Variants in CC2D1B observed in about 807,000 individuals in gnomAD.
The protein encoded by CC2D1B is coiled-coil and C2 domain containing 1B.
In CC2D1B, 92 loss-of-function variants were observed where a neutral mutation model predicts 110.8. The ratio of observed to expected loss-of-function variants is 0.83; its 90% CI spans 0.70 to 0.99. The LOEUF (loss-of-function observed/expected upper bound fraction) is 0.99, where lower values mean the gene tolerates loss of function less well. Among genes scored for constraint, CC2D1B ranks in the 50% least tolerant of loss-of-function variants. The probability of loss-of-function intolerance (pLI) is 0.00; values close to 1 mark genes in which losing one functional copy is unlikely to be tolerated. For synonymous variants in CC2D1B, 406 were observed against 429.2 expected (o/e 0.95, Z 0.67); for missense variants, 1,136 against 1,089.0 (o/e 1.04, Z -0.61).
chr1:52,360,460 T>C lies in CC2D1B; in HGVS notation c.567A>G (p.Glu189=). The C allele has an allele frequency of 6.2e-7, 1 of 1,613,932 alleles. No homozygotes were observed. Among genetic ancestry groups the C allele is most frequent in the Non-Finnish European group, 8.5e-7 (1 of 1,180,006 alleles). ...EAAASAKEAG[E]AAKARRCERG... ...GCTCGCAGCGCCTGGCTTTGGCTGC[T>C]TCGCCTGCCTCCTTGGCACTGGCCG... The change falls in exon 6 of 25, where the codon GAA becomes GAG. Residue 189 remains glutamate, a synonymous_variant. Coordinates refer to ENST00000284376, the MANE Select transcript of CC2D1B (RefSeq NM_001330585.2).
At chr1:52,354,534 C>G in intron 23 of CC2D1B, 74 bp downstream of exon 23, 1 of 1,208,674 alleles carries the variant, frequency 8.3e-7, no homozygotes, top group South Asian at 1.2e-5. Flanking sequence ...AAACCTACAA[C>G]AAGGTGTGGC....
chr1:52,364,837 A>G (rs1646851715), intron 1 of CC2D1B, among the ~76,000 whole-genome samples: 1 of 152,234 alleles, frequency 6.6e-6, no homozygotes. Context: ...TTACTGAGGA[A>G]TGTTCTGAAC....
At position 52,362,453 on chromosome 1, in the gene CC2D1B, G is replaced by A. The variant is rs531863534; in HGVS notation, c.214+149C>T. The A allele has an allele frequency of 1.5e-4, 138 of 941,514 alleles. No individual in the cohort carries two copies. In the African/African-American group the frequency reaches 1.7e-3, roughly 11 times the overall value. The allele number at this position is 941,514 out of a possible 1,614,324, so 58.3% of individuals were successfully genotyped here. A position where few individuals can be genotyped will look rare whatever the true frequency, so the allele number is the denominator to read the frequency against. On this transcript the variant is annotated intron_variant, in intron 3 of 24. Transcript: ENST00000284376. ...ATGACACAAGGTGGGGAAGCAGGGC[G>A]AGGCCGCCTCTTGGTGGGAGTGCGG...
At position 52,359,842 on chromosome 1, in the gene CC2D1B, C is replaced by T. The variant is rs765561952; in HGVS notation, c.805G>A (p.Ala269Thr). The change falls in exon 8 of 25, where the codon GCC (alanine) becomes ACC (threonine). Residue 269 changes from alanine (A) to threonine (T), a missense_variant. Transcript: ENST00000284376. Reference sequence around the variant, plus strand: ...GGGTCTAAGTCTGAAACGGGCTGGGCAGAAATGCCAGGGAGGCTGGTCTCA... The same window carrying T: ...GGGTCTAAGTCTGAAACGGGCTGGGTAGAAATGCCAGGGAGGCTGGTCTCA... ...QPETSLPGIS[A>T]QPVSDLDPDP... 2.5e-6 allele frequency: 4 copies of T among 1,612,060 alleles called. No homozygotes were observed. The East Asian group carries it at 8.9e-5, about 36-fold the overall frequency.
chr1:52,356,940 G>A (rs1646665206), intron 16 of CC2D1B, 61 bp downstream of exon 16: 1 of 1,510,452 alleles, frequency 6.6e-7, no homozygotes, highest in African/African-American at 1.4e-5. Context: ...TGAGCTCCAG[G>A]TCTTCCTCCA....
intron 4 of CC2D1B, 171 bp downstream of exon 4, chr1:52,361,342 G>C (rs1465949469): frequency 2.4e-6 from 3 of 1,275,366 alleles, no homozygotes; most frequent in Admixed American, 2.1e-5. Flanking sequence ...CAACTGCAGA[G>C]CTTAGACCAG....
intron 11 of CC2D1B, 58 bp from the exon 12 acceptor site, chr1:52,358,816 C>T (rs1040501375): frequency 4.1e-5 from 63 of 1,530,060 alleles, no homozygotes; most frequent in Non-Finnish European, 4.9e-5. Context: ...GCCCCCTGCC[C>T]AACATGACAC....
chr1:52,353,974 C>A, intron 23 of CC2D1B: 1 of 290,572 alleles, frequency 3.4e-6, no homozygotes, highest in East Asian at 8.1e-5. Context: ...CCTCACTTCA[C>A]AGATGGCCAA....
intron 18 of CC2D1B, 38 bp downstream of exon 18, chr1:52,356,148 T>TCC (rs1262094217): frequency 6.5e-7 from 1 of 1,531,354 alleles, no homozygotes; most frequent in African/African-American, 1.4e-5. Context: ...CTCCTGCCCC[T>TCC]CCCTGCCTGG....
rs1197188682 is a variant in CC2D1B at position 52,355,589 on chromosome 1, A to C, written c.2187+19T>G. ...TGCAAGGCGGGTTTCAGAGGATCCT[A>C]CTTCTACCTGAACCTCACCGAGTTA... On this transcript the variant is annotated intron_variant, in intron 20 of 24. Coordinates refer to ENST00000284376, the MANE Select transcript of CC2D1B (RefSeq NM_001330585.2). The C allele has an allele frequency of 6.2e-7, 1 of 1,613,962 alleles. No individual in the cohort carries two copies. Among genetic ancestry groups the C allele is most frequent in the African/African-American group, 1.3e-5 (1 of 75,048 alleles).
chr1:52,361,295 C>G (rs1646777861), intron 4 of CC2D1B, among the ~76,000 whole-genome samples, 163 bp from the exon 5 acceptor site: 1 of 152,172 alleles, frequency 6.6e-6, no homozygotes, highest in Non-Finnish European at 1.5e-5. Context: ...CCGAGGATAG[C>G]CTTGAAAATA....
chr1:52,358,245 G>T, intron 13 of CC2D1B, 86 bp downstream of exon 13: 1 of 1,519,330 alleles, frequency 6.6e-7, no homozygotes, highest in Non-Finnish European at 8.9e-7. Flanking sequence ...ACCTTATTGG[G>T]CTTGTTAGTA....
rs367732982 is a variant in CC2D1B at position 52,355,731 on chromosome 1, G to A, written c.2128+40C>T. 285 of 1,613,444 alleles carry A rather than the reference G, an allele frequency of 1.8e-4. 1 individual carries two copies. The highest frequency in any genetic ancestry group is 2.0e-4 in the Non-Finnish European group (236 of 1,179,400). ...CAGGAGCCTAGCACTTGGAGTGTCC[G>A]GGCAAGAGCCTCCTGGAGTAGGGGC... On this transcript the variant is annotated intron_variant, in intron 19 of 24. Transcript: ENST00000284376.
rs913844665 is a variant in CC2D1B, at chr1:52,364,464, G to C, written c.69+88C>G. 3.9e-6 allele frequency: 3 copies of C among 759,742 alleles called. No homozygotes were observed. The African/African-American group carries it at 5.2e-5, about 13-fold the overall frequency. 47.1% of individuals were successfully genotyped at this position (759,742 alleles called of 1,614,324 possible). A position where few individuals can be genotyped will look rare whatever the true frequency, so the allele number is the denominator to read the frequency against. Reference sequence around the variant, plus strand: ...TGCTCCAAGTCTCTGAACTAATGGGGGAACTACATGTGATCCAGTTTGCCT... The same window carrying C: ...TGCTCCAAGTCTCTGAACTAATGGGCGAACTACATGTGATCCAGTTTGCCT... On this transcript the variant is annotated intron_variant, in intron 2 of 24. Transcript: ENST00000284376.
intron 15 of CC2D1B, 196 bp from the exon 16 acceptor site, chr1:52,357,322 CA>C: frequency 1.1e-6 from 1 of 908,758 alleles, no homozygotes; most frequent in Non-Finnish European, 1.6e-6. Flanking sequence ...CATCTCTGAC[CA>C]CAGGCAGCCC....
rs751315875 is a variant in CC2D1B, at chr1:52,357,002, T to A, written c.1877A>T (p.Glu626Val). The A allele has an allele frequency of 1.2e-5, 18 of 1,553,782 alleles. No homozygotes were observed. The highest frequency in any genetic ancestry group is 1.7e-4 in the Middle Eastern group (1 of 5,792). Reference sequence around the variant, plus strand: ...GGAACAGACGAGGGGCCTGCTGACCTCTTGTTGCTCCAGAAGCATTTTTTG... The same window carrying A: ...GGAACAGACGAGGGGCCTGCTGACCACTTGTTGCTCCAGAAGCATTTTTTG... ...QLQKMLLEQQ[E>V]KCLLFSKQFM... The change falls in exon 16 of 25, where the codon GAG (glutamate) becomes GTG (valine). Residue 626 changes from glutamate (E) to valine (V), a missense_variant and splice_region_variant. By Grantham distance (121) the Glu-to-Val change is moderately radical (BLOSUM62 -2). Coordinates refer to ENST00000284376, the MANE Select transcript of CC2D1B (RefSeq NM_001330585.2).
chr1:52,356,046 CCT>C (rs1646644434), intron 18 of CC2D1B, 138 bp downstream of exon 18: 1 of 887,422 alleles, frequency 1.1e-6, no homozygotes, highest in Admixed American at 2.0e-5. Flanking sequence ...TAGCATGCAC[CCT>C]GTCGTCCTCA....
Position 52,362,643 on chromosome 1 carries a change from T to G in CC2D1B, c.173A>C (p.Glu58Ala), listed in dbSNP as rs1646807614. 6.2e-7 allele frequency: 1 copy of G among 1,614,032 alleles called. No individual in the cohort carries two copies. The highest frequency in any genetic ancestry group is 8.5e-7 in the Non-Finnish European group (1 of 1,180,004). ...LEAELLALTG[E>A]AQTTGKKPAP... ...TGGCTTCTTGCCTGTGGTTTGTGCT[T>G]CCCCTGTGAGAGCCAGCAGCTCAGC... Residue 58 changes from glutamate (E) to alanine (A), a missense_variant, in exon 3 of 25, where the codon GAA (glutamate) becomes GCA (alanine). Glu to Ala is a moderately radical substitution (Grantham distance 107). Transcript: ENST00000284376.
Position 52,352,008 on chromosome 1 carries a change from C to G in CC2D1B, c.*1217G>C, listed in dbSNP as rs963433823. The stretch of plus-strand genomic sequence containing the variant: ...AAGGGCAGGGAAGCATGGTCCAGCC[C>G]TGTTATCCCCCAAAAGGACACATAC... On this transcript the variant is annotated 3_prime_UTR_variant, in exon 25 of 25. Coordinates refer to ENST00000284376, the MANE Select transcript of CC2D1B (RefSeq NM_001330585.2). 3 of 152,214 alleles carry G rather than the reference C, an allele frequency of 2.0e-5. No individual in the cohort carries two copies. The highest frequency in any genetic ancestry group is 2.9e-5 in the Non-Finnish European group (2 of 68,034). 9.4% of individuals were successfully genotyped at this position (152,214 alleles called of 1,614,324 possible). A position where few individuals can be genotyped will look rare whatever the true frequency, so the allele number is the denominator to read the frequency against.
Sources: gnomAD v4.1 joint callset for allele counts (sites outside exome capture counted in the v4.1 genomes callset) on GRCh38, gnomAD v4.1.1 for gene constraint, MANE v1.5 for transcripts, NCBI Gene and HGNC (gene_info 2026-07-23, HGNC 2026-07-21) for gene names.